Variants in CASZ1 observed in about 807,000 individuals in gnomAD.
CASZ1 encodes the protein castor zinc finger 1.
In CASZ1, 28 loss-of-function variants were observed where a neutral mutation model predicts 135.2. The ratio of observed to expected loss-of-function variants is 0.21; its 90% CI spans 0.15 to 0.28. The LOEUF (loss-of-function observed/expected upper bound fraction) is 0.28. CASZ1 is among the 10% of genes least tolerant of loss of function. The probability of loss-of-function intolerance (pLI) is 1.00; values close to 1 mark genes in which losing one functional copy is unlikely to be tolerated. For synonymous variants in CASZ1, 1,068 were observed against 1,073.4 expected (o/e 0.99, Z 0.10); for missense variants, 2,161 against 2,453.3 (o/e 0.88, Z 2.52).
chr1:10,744,443 C>G (rs1640002212), intron 2 of CASZ1, among the ~76,000 whole-genome samples: 2 of 10,886 alleles, frequency 1.8e-4, no homozygotes, highest in East Asian at 2.1e-3. Context: ...ATGTCCTGGG[C>G]ACCACGAGCA....
At chr1:10,695,004 C>T (rs1232444495) in intron 3 of CASZ1, among the ~76,000 whole-genome samples, 5 of 148,626 alleles carry the variant, frequency 3.4e-5, no homozygotes, top group Non-Finnish European at 3.0e-5. Context: ...CTAACTTTTC[C>T]GCGAGGGCGG....
Position 10,663,184 on chromosome 1 carries a change from G to A in CASZ1, c.505+1899C>T, listed in dbSNP as rs946831952. Among the ~76,000 whole-genome samples, 5 of 152,216 alleles carry A rather than the reference G, an allele frequency of 3.3e-5. No homozygotes were observed. In the East Asian group the frequency reaches 7.7e-4, roughly 23 times the overall value. On this transcript the variant is annotated intron_variant, in intron 5 of 20. Transcript: ENST00000377022. ...AGCCAAGGGAAGGCGTGGCTGGGGG[G>A]TCTCCTCCCAGGCGAACCTGCCAGG...
chr1:10,697,817 G>C lies in CASZ1; in HGVS notation c.-23-3905C>G, dbSNP rs1477854285. On this transcript the variant is annotated intron_variant, in intron 3 of 20. Transcript: ENST00000377022. The surrounding 1 kb of genome is among the most constrained non-coding windows in gnomAD (Gnocchi z 4.7). ...GAGGCGACTGGGCCAGGGCACAGAA[G>C]CCTTGGCCAAAGGACTGCGTGTGCC... Among the ~76,000 whole-genome samples the C allele has an allele frequency of 6.6e-6, 1 of 152,256 alleles. No individual in the cohort carries two copies. Among genetic ancestry groups the C allele is most frequent in the Non-Finnish European group, 1.5e-5 (1 of 68,046 alleles).
Position 10,740,960 on chromosome 1 carries a change from C to CAAAAA in CASZ1, c.-77+19736_-77+19740dup, listed in dbSNP as rs374464130. On this transcript the variant is annotated intron_variant, in intron 2 of 20. Coordinates refer to ENST00000377022, the MANE Select transcript of CASZ1 (RefSeq NM_001079843.3). ...GCGACAGGGTGAGACCCTGTCTGGACAAAAAAAAAAAAAAAAAGAAAAAAA... is the reference window on the plus strand; with the variant it reads ...GCGACAGGGTGAGACCCTGTCTGGACAAAAAAAAAAAAAAAAAAAAAAGAAAAAAA... 6.5e-5 allele frequency among the ~76,000 whole-genome samples: 4 copies of CAAAAA among 61,474 alleles called. No individual in the cohort carries two copies. In the East Asian group the frequency reaches 2.1e-3, roughly 32 times the overall value. The allele number at this position is 61,474 out of a possible 152,430, so 40.3% of individuals were successfully genotyped here. A position where few individuals can be genotyped will look rare whatever the true frequency, so the allele number is the denominator to read the frequency against.
intron 11 of CASZ1, chr1:10,653,076 A>C: frequency 4.6e-6 from 2 of 439,556 alleles, no homozygotes; most frequent in South Asian, 2.1e-5. Context: ...GCAGACAGGG[A>C]GGGGGGACCT....
rs373938386 is a variant in CASZ1, at chr1:10,644,973, C to T, written c.3812G>A (p.Arg1271Gln). ...WHIKKHEKAE[R>Q]RAANGFKYFT... is the part of the protein sequence containing the mutation. ...GTATTTGAAGCCATTGGCTGCCCGC[C>T]GCTCCGCCTTCTCATGCTTCTTGAT... is the stretch of plus-strand genomic sequence containing the variant. The change falls in exon 18 of 21, where the codon CGG (arginine) becomes CAG (glutamine). Residue 1271 changes from arginine to glutamine, a missense_variant. By Grantham distance (43) the Arg-to-Gln change is conservative. This residue lies in a region of CASZ1 where 349 missense variants were observed against 460.8 expected (regional missense o/e 0.76). Coordinates refer to ENST00000377022, the MANE Select transcript of CASZ1 (RefSeq NM_001079843.3). 3.2e-5 allele frequency: 51 copies of T among 1,613,852 alleles called. No homozygotes were observed. The highest frequency in any genetic ancestry group is 1.6e-4 in the Middle Eastern group (1 of 6,084).
chr1:10,682,142 G>A (rs556724769), intron 4 of CASZ1, among the ~76,000 whole-genome samples: 1 of 152,268 alleles, frequency 6.6e-6, no homozygotes, highest in African/African-American at 2.4e-5. Context: ...TTTCAAGTTT[G>A]TCTGAAAATG....
intron 13 of CASZ1, 96 bp from the exon 14 acceptor site, chr1:10,649,533 C>T: frequency 2.2e-6 from 3 of 1,359,204 alleles, no homozygotes; most frequent in Middle Eastern, 2.7e-4. Flanking sequence ...GCTGCTGGGA[C>T]CCACCCAGCC....
chr1:10,696,184 A>AT (rs1234808953), intron 3 of CASZ1, among the ~76,000 whole-genome samples: 4 of 152,022 alleles, frequency 2.6e-5, no homozygotes, highest in Admixed American at 1.3e-4. Context: ...TGCTTGCTCT[A>AT]TAGTTCTAAA....
chr1:10,693,497 C>CAAAAAAAAAA (rs1172496673), intron 4 of CASZ1, among the ~76,000 whole-genome samples: 5 of 23,286 alleles, frequency 2.1e-4, no homozygotes, highest in African/African-American at 9.0e-4. Flanking sequence ...TTGCAGAGAA[C>CAAAAAAAAAA]AAAAAAAAAA....
chr1:10,718,574 C>T (rs1204848462), intron 2 of CASZ1, among the ~76,000 whole-genome samples: 1 of 152,254 alleles, frequency 6.6e-6, no homozygotes, highest in Admixed American at 6.5e-5. Context: ...CTGGTTCTGC[C>T]CTGCCAGAGG....
At chr1:10,772,109 G>T (rs1213638735) in intron 1 of CASZ1, among the ~76,000 whole-genome samples, 1 of 152,238 alleles carries the variant, frequency 6.6e-6, no homozygotes, top group African/African-American at 2.4e-5. Flanking sequence ...GAGACCTGGA[G>T]AGAAAGGAAG....
At chr1:10,643,484 C>A (rs1642272665) in intron 18 of CASZ1, among the ~76,000 whole-genome samples, 173 bp from the exon 19 acceptor site, 3 of 152,230 alleles carry the variant, frequency 2.0e-5, no homozygotes, top group Non-Finnish European at 4.4e-5. Context: ...TCAGGAAGTC[C>A]AAAGCCCCCT....
intron 2 of CASZ1, among the ~76,000 whole-genome samples, chr1:10,738,928 T>TG (rs1639857382): frequency 1.3e-5 from 2 of 149,350 alleles, no homozygotes; most frequent in South Asian, 4.4e-4. Flanking sequence ...GTTTTTTTTT[T>TG]TTTTTTTTTT....
In CASZ1 at chr1:10,665,713, C is replaced by A. The variant is rs1570442904; in HGVS notation, c.17-142G>T. ...ATCAAACTGCCCTGAGACTGCCTGG[C>A]ATGTGTCTATCTCCCCCACTAGTCT... On this transcript the variant is annotated intron_variant, in intron 4 of 20. Transcript: ENST00000377022. 7.8e-6 allele frequency: 7 copies of A among 901,532 alleles called. No individual in the cohort carries two copies. In the East Asian group the frequency reaches 1.9e-4, roughly 25 times the overall value. 55.8% of individuals were successfully genotyped at this position (901,532 alleles called of 1,614,324 possible). A position where few individuals can be genotyped will look rare whatever the true frequency, so the allele number is the denominator to read the frequency against.
intron 1 of CASZ1, among the ~76,000 whole-genome samples, chr1:10,789,562 T>TTC (rs147382669): frequency 2.6e-4 from 39 of 150,194 alleles, no homozygotes; most frequent in African/African-American, 8.6e-4. Context: ...CTCTCTCTCT[T>TTC]TCTCTCTCTC....
intron 1 of CASZ1, among the ~76,000 whole-genome samples, chr1:10,763,761 G>A (rs1407326231): frequency 2.6e-5 from 4 of 152,238 alleles, no homozygotes; most frequent in Non-Finnish European, 4.4e-5. Context: ...CGTGGGCAGC[G>A]AAGGTGTCGG....
chr1:10,658,704 C>T (rs142409172), intron 6 of CASZ1, 128 bp from the exon 7 acceptor site: 1 of 791,782 alleles, frequency 1.3e-6, no homozygotes, highest in Non-Finnish European at 2.2e-6. Context: ...GTCCGAGGCA[C>T]CCACGGTGGG....
chr1:10,690,783 C>T (rs750760406), intron 4 of CASZ1, among the ~76,000 whole-genome samples: 7 of 152,364 alleles, frequency 4.6e-5, no homozygotes, highest in Non-Finnish European at 7.3e-5. Context: ...CAGCCCCACC[C>T]CTTTGTCTCA....
Sources: allele counts gnomAD v4.1 joint callset (sites outside exome capture counted in the v4.1 genomes callset), GRCh38; gene constraint gnomAD v4.1.1; regional missense constraint gnomAD v4.1.1; non-coding constraint Gnocchi (gnomAD v3.1); transcripts MANE v1.5; gene names NCBI Gene and HGNC (gene_info 2026-07-23, HGNC 2026-07-21).